The following ARHGAP44 variants were observed in gnomAD, a reference collection of about 807,000 sequenced individuals.
ARHGAP44 encodes Rho GTPase activating protein 44.
Under a neutral mutation model 106.8 loss-of-function variants are expected in ARHGAP44, and 43 were observed. That is an observed-to-expected ratio of 0.40 (90% CI 0.32 to 0.52). ARHGAP44 has a LOEUF of 0.52. Among genes scored for constraint, ARHGAP44 ranks in the 20% least tolerant of loss-of-function variants. The probability of loss-of-function intolerance (pLI) is 0.48; values close to 1 mark genes in which losing one functional copy is unlikely to be tolerated. For missense variants in ARHGAP44, 866 were observed against 1,050.5 expected (o/e 0.82, Z 2.43); for synonymous variants, 439 against 410.3 (o/e 1.07, Z -0.85).
intron 16 of ARHGAP44, among the ~76,000 whole-genome samples, chr17:12,969,907 A>G (rs1342670619): frequency 6.6e-6 from 1 of 152,208 alleles, no homozygotes; most frequent in Non-Finnish European, 1.5e-5. Flanking sequence ...GAGTCAGCAA[A>G]TGGTTAACTG....
intron 1 of ARHGAP44, among the ~76,000 whole-genome samples, chr17:12,857,853 G>T (rs541031079): frequency 1.3e-5 from 2 of 151,822 alleles, no homozygotes; most frequent in East Asian, 3.9e-4. Context: ...GATTTAGTTA[G>T]CAGATATCAC....
chr17:12,977,303 T>G (rs1172145741), intron 18 of ARHGAP44, among the ~76,000 whole-genome samples: 2 of 152,284 alleles, frequency 1.3e-5, no homozygotes, highest in Non-Finnish European at 2.9e-5. Context: ...TTTGTTTGTG[T>G]TGTTTGTTTC....
intron 1 of ARHGAP44, among the ~76,000 whole-genome samples, chr17:12,794,430 A>G (rs1053123473): frequency 2.6e-5 from 4 of 152,136 alleles, no homozygotes; most frequent in East Asian, 1.9e-4. Context: ...CACCCATTCA[A>G]GTCTTCCAAA....
chr17:12,983,589 G>A (rs999211085), intron 19 of ARHGAP44, among the ~76,000 whole-genome samples: 3 of 152,184 alleles, frequency 2.0e-5, no homozygotes, highest in Non-Finnish European at 4.4e-5. Flanking sequence ...CGGATCACCT[G>A]AGGTTGGGAG....
chr17:12,876,365 C>T (rs956111341), intron 1 of ARHGAP44, among the ~76,000 whole-genome samples: 1 of 152,152 alleles, frequency 6.6e-6, no homozygotes, highest in African/African-American at 2.4e-5. Flanking sequence ...CTGGTGTGTC[C>T]CCATGTGGCG....
chr17:12,959,978 G>C (rs921126205), intron 16 of ARHGAP44, among the ~76,000 whole-genome samples: 1 of 152,222 alleles, frequency 6.6e-6, no homozygotes, highest in African/African-American at 2.4e-5. Context: ...AGAGGTGTGT[G>C]AATCTTACTT....
chr17:12,943,548 G>T, intron 8 of ARHGAP44, 40 bp from the exon 9 acceptor site: 1 of 1,598,952 alleles, frequency 6.3e-7, no homozygotes, highest in Non-Finnish European at 8.6e-7. Context: ...CTGTGTCCTT[G>T]CCCCTCACTA....
At chr17:12,898,066 G>A (rs1456259912) in intron 3 of ARHGAP44, among the ~76,000 whole-genome samples, 3 of 152,152 alleles carry the variant, frequency 2.0e-5, no homozygotes, top group Admixed American at 1.3e-4. Context: ...CCCTCCCCAA[G>A]AGAAGGGGAC....
intron 6 of ARHGAP44, among the ~76,000 whole-genome samples, chr17:12,928,073 C>T (rs1016760522): frequency 6.6e-6 from 1 of 152,142 alleles, no homozygotes; most frequent in Non-Finnish European, 1.5e-5. Context: ...TGGTAATTCC[C>T]TGCTGATAAC....
intron 1 of ARHGAP44, among the ~76,000 whole-genome samples, chr17:12,856,392 GATAA>G (rs1449264650): frequency 6.6e-6 from 1 of 152,164 alleles, no homozygotes; most frequent in East Asian, 1.9e-4. Context: ...GAGCATGGCA[GATAA>G]ATACCCTTCT....
At chr17:12,868,003 CAA>C (rs941893379) in intron 1 of ARHGAP44, among the ~76,000 whole-genome samples, 5 of 152,160 alleles carry the variant, frequency 3.3e-5, no homozygotes, top group African/African-American at 1.2e-4. Context: ...TTTGCAGTGA[CAA>C]AGAGACGGTG....
intron 1 of ARHGAP44, among the ~76,000 whole-genome samples, chr17:12,814,219 C>T (rs1348934535): frequency 2.7e-5 from 4 of 150,914 alleles, no homozygotes; most frequent in Middle Eastern, 3.4e-3. Flanking sequence ...ACTGTGCAGC[C>T]ACCTCCCAAA....
chr17:12,953,573 G>A (rs762218590), intron 13 of ARHGAP44, among the ~76,000 whole-genome samples: 1 of 152,186 alleles, frequency 6.6e-6, no homozygotes, highest in Non-Finnish European at 1.5e-5. Flanking sequence ...TTTCACACTC[G>A]TATTCGTAGC....
chr17:12,835,571 A>G (rs955826089), intron 1 of ARHGAP44, among the ~76,000 whole-genome samples: 1 of 152,102 alleles, frequency 6.6e-6, no homozygotes, highest in African/African-American at 2.4e-5. Flanking sequence ...ATAAGAAAGC[A>G]TTATCGTGTT....
intron 3 of ARHGAP44, among the ~76,000 whole-genome samples, chr17:12,898,186 T>G (rs1462465434): frequency 1.3e-5 from 2 of 151,948 alleles, no homozygotes; most frequent in African/African-American, 4.8e-5. Context: ...AGATATAGGA[T>G]TGATTAGTTT....
intron 18 of ARHGAP44, among the ~76,000 whole-genome samples, chr17:12,975,639 A>C (rs1164263864): frequency 6.6e-6 from 1 of 151,840 alleles, no homozygotes; most frequent in African/African-American, 2.4e-5. Flanking sequence ...TCTACTAAAA[A>C]TACAAAAAAT....
At chr17:12,983,514 C>T (rs985916988) in intron 19 of ARHGAP44, among the ~76,000 whole-genome samples, 1 of 152,152 alleles carries the variant, frequency 6.6e-6, no homozygotes, top group East Asian at 1.9e-4. Context: ...TTGAAAAATG[C>T]GGTTGATTGG....
At chr17:12,913,990 A>AAAAAG (rs56295734) in intron 4 of ARHGAP44, among the ~76,000 whole-genome samples, 1 of 147,340 alleles carries the variant, frequency 6.8e-6, no homozygotes, top group Non-Finnish European at 1.5e-5. Context: ...AAAAAAAAAA[A>AAAAAG]GGCACCATTA....
chr17:12,845,601 T>G (rs2035549359), intron 1 of ARHGAP44, among the ~76,000 whole-genome samples: 1 of 152,172 alleles, frequency 6.6e-6, no homozygotes, highest in African/African-American at 2.4e-5. Context: ...TCTCATTTTA[T>G]TCTCTGTACC....
Sources: gnomAD v4.1 joint callset for allele counts (sites outside exome capture counted in the v4.1 genomes callset) on GRCh38, gnomAD v4.1.1 for gene constraint, MANE v1.5 for transcripts, NCBI Gene and HGNC (gene_info 2026-07-23, HGNC 2026-07-21) for gene names.